Variants in DYRK1A observed in about 807,000 individuals in gnomAD.
The protein encoded by DYRK1A is dual specificity tyrosine phosphorylation regulated kinase 1A.
DYRK1A carries 9 observed loss-of-function variants against 79.7 expected under a neutral mutation model. The ratio of observed to expected loss-of-function variants is 0.11; its 90% confidence interval spans 0.07 to 0.20. DYRK1A has a LOEUF of 0.20. Ranked by LOEUF, DYRK1A falls within the 10% of genes least tolerant of loss-of-function variation. The pLI is 1.00. For synonymous variants in DYRK1A, 349 were observed against 329.7 expected, an observed-to-expected ratio of 1.06 and a Z score of -0.63; for missense variants, 622 against 956.0, an observed-to-expected ratio of 0.65 and a Z score of 4.61.
chr21:37,418,205 C>T (rs1416370439), intron 1 of DYRK1A, among the ~76,000 whole-genome samples: 2 of 152,016 alleles, frequency 1.3e-5, no homozygotes, highest in Non-Finnish European at 2.9e-5. Flanking sequence ...TTAAAGTAAT[C>T]CAAGGTGAAG....
chr21:37,483,828 G>A (rs183544876), intron 5 of DYRK1A, among the ~76,000 whole-genome samples: 24 of 152,006 alleles, frequency 1.6e-4, no homozygotes, highest in South Asian at 6.2e-4. Flanking sequence ...ACCAGTCCTC[G>A]CATCTCAGCT....
chr21:37,459,582 G>GCTGAATAAATGAAAAA (rs1160379696), intron 2 of DYRK1A, among the ~76,000 whole-genome samples: 1 of 152,098 alleles, frequency 6.6e-6, no homozygotes, highest in Non-Finnish European at 1.5e-5. Flanking sequence ...TTTCAGTTTA[G>GCTGAATAAATGAAAAA]CCTGATTAGT....
intron 1 of DYRK1A, among the ~76,000 whole-genome samples, chr21:37,378,245 C>T (rs906645480): frequency 2.0e-5 from 3 of 152,086 alleles, no homozygotes; most frequent in Non-Finnish European, 4.4e-5. Flanking sequence ...TAAAGTATTT[C>T]CTGGGGGCCA....
At chr21:37,468,150 C>T (rs936769156) in intron 2 of DYRK1A, among the ~76,000 whole-genome samples, 4 of 152,078 alleles carry the variant, frequency 2.6e-5, no homozygotes, top group Admixed American at 2.6e-4. Context: ...CTCTGTTACC[C>T]AGGCTGGAGC....
chr21:37,366,938 GC>G lies in DYRK1A; in HGVS notation c.-764del, dbSNP rs2049317798. On this transcript the variant is annotated 5_prime_UTR_variant, in exon 1 of 12. Coordinates refer to ENST00000647188, the MANE Select transcript of DYRK1A (RefSeq NM_001347721.2). ...GCTGCTGTCGCTGCTGCTGATCGCGGCCCAGGTCGGCCTCAGAGAGCGGACA... is the reference window on the plus strand; with the variant it reads ...GCTGCTGTCGCTGCTGCTGATCGCGGCCAGGTCGGCCTCAGAGAGCGGACA... 6.4e-6 allele frequency: 1 copy of G among 156,272 alleles called. No individual in the cohort carries two copies. Among genetic ancestry groups the G allele is most frequent in the Non-Finnish European group, 1.4e-5 (1 of 70,404 alleles). The allele number at this position is 156,272 out of a possible 1,614,324, so 9.7% of individuals were successfully genotyped here.
At chr21:37,433,867 A>G (rs141126070) in intron 2 of DYRK1A, among the ~76,000 whole-genome samples, 3 of 152,320 alleles carry the variant, frequency 2.0e-5, no homozygotes, top group African/African-American at 7.2e-5. Context: ...GATCTTACGC[A>G]TTATGTTTCT....
chr21:37,488,238 T>C (rs2052945645), intron 6 of DYRK1A: 2 of 519,572 alleles, frequency 3.8e-6, no homozygotes, highest in South Asian at 8.5e-5. Flanking sequence ...TAAATTCTTA[T>C]TTCAGAAGAT....
At chr21:37,406,941 T>A (rs2050159466) in intron 1 of DYRK1A, among the ~76,000 whole-genome samples, 1 of 150,640 alleles carries the variant, frequency 6.6e-6, no homozygotes, top group Admixed American at 6.6e-5. Context: ...CTTTTGATTT[T>A]TTTTTTTTTT....
chr21:37,470,823 T>A (rs2148551691), intron 2 of DYRK1A, among the ~76,000 whole-genome samples: 1 of 152,368 alleles, frequency 6.6e-6, no homozygotes, highest in East Asian at 1.9e-4. Flanking sequence ...TTGTAGAAGT[T>A]CTTTTAAAAA....
At position 37,505,453 on chromosome 21, in the gene DYRK1A, T is replaced by C; in HGVS notation, c.1383T>C (p.Pro461=). The change falls in exon 10 of 12, where the codon CCT becomes CCC. Residue 461 remains proline, a synonymous_variant. Coordinates refer to ENST00000647188, the MANE Select transcript of DYRK1A (RefSeq NM_001347721.2). ...LDYDPKTRIQ[P]YYALQHSFFK... ...ATGACCCCAAAACTCGAATTCAACC[T>C]TATTATGCTCTGCAGCACAGTTTCT... 1 of 1,614,168 alleles carries C rather than the reference T, an allele frequency of 6.2e-7. No individual in the cohort carries two copies. The highest frequency in any genetic ancestry group is 8.5e-7 in the Non-Finnish European group (1 of 1,180,026).
intron 1 of DYRK1A, among the ~76,000 whole-genome samples, chr21:37,405,350 T>C (rs370775201): frequency 2.0e-4 from 31 of 152,352 alleles, no homozygotes; most frequent in African/African-American, 6.7e-4. Flanking sequence ...TCCTGCATCC[T>C]TTTCCTAATT....
chr21:37,422,010 T>A (rs1408495192), intron 2 of DYRK1A: 2 of 152,168 alleles, frequency 1.3e-5, no homozygotes, highest in Non-Finnish European at 2.9e-5. Flanking sequence ...TCCAAATAGC[T>A]CTTTTTCTTG....
Position 37,458,498 on chromosome 21 carries a change from G to T in DYRK1A, c.11-14186G>T, listed in dbSNP as rs1230662790. 2.6e-5 allele frequency among the ~76,000 whole-genome samples: 4 copies of T among 152,136 alleles called. 1 individual carries two copies. The East Asian group carries it at 7.7e-4, about 29-fold the overall frequency. The stretch of plus-strand genomic sequence containing the variant: ...GTCCCCTGGCAACTCTGTGTGTAAC[G>T]TTTCAAACCCAAGGCATTGTACAAG... On this transcript the variant is annotated intron_variant, in intron 2 of 11. Coordinates refer to ENST00000647188, the MANE Select transcript of DYRK1A (RefSeq NM_001347721.2).
chr21:37,459,371 TTTAA>T (rs1008963515), intron 2 of DYRK1A, among the ~76,000 whole-genome samples: 4 of 152,226 alleles, frequency 2.6e-5, no homozygotes, highest in Admixed American at 2.0e-4. Context: ...GTATGAATCC[TTTAA>T]TTAAATAAGT....
chr21:37,387,005 C>T (rs991537819), intron 1 of DYRK1A, among the ~76,000 whole-genome samples: 2 of 152,152 alleles, frequency 1.3e-5, no homozygotes, highest in African/African-American at 2.4e-5. Context: ...GCACTGGGCA[C>T]GCTCTCCTTG....
chr21:37,462,631 G>A (rs925499700), intron 2 of DYRK1A, among the ~76,000 whole-genome samples: 13 of 152,134 alleles, frequency 8.5e-5, no homozygotes, highest in African/African-American at 3.1e-4. Context: ...CCCTATGTAC[G>A]GATTGATGGA....
rs1479033583 is a variant in DYRK1A, at chr21:37,505,608, A to T, written c.1519+19A>T. 3.9e-6 allele frequency: 6 copies of T among 1,554,760 alleles called. No individual in the cohort carries two copies. In the Admixed American group the frequency reaches 9.8e-5, roughly 25 times the overall value. ...AGCTCAGGTCTGTGCTGCTGCGGTT[A>T]GATTAGGCTTGGGAATGTTTTGTGT... On this transcript the variant is annotated intron_variant, in intron 10 of 11. Transcript: ENST00000647188.
At chr21:37,468,750 G>GTGT (rs56283149) in intron 2 of DYRK1A, among the ~76,000 whole-genome samples, 67,208 of 151,772 alleles carry the variant, frequency 0.44, 15,616 homozygotes, top group East Asian at 0.57. Flanking sequence ...AGAAAGCCCA[G>GTGT]TGTTTAGAAG....
chr21:37,382,555 T>G (rs1460223616), intron 1 of DYRK1A, among the ~76,000 whole-genome samples: 8 of 152,226 alleles, frequency 5.3e-5, no homozygotes, highest in Non-Finnish European at 1.0e-4. Context: ...GGATCACACT[T>G]ACTTTACCAA....
Sources: allele counts gnomAD v4.1 joint callset (sites outside exome capture counted in the v4.1 genomes callset), GRCh38; gene constraint gnomAD v4.1.1; transcripts MANE v1.5; gene names NCBI Gene and HGNC (gene_info 2026-07-23, HGNC 2026-07-21).